Variants in USP13 observed in about 807,000 individuals in gnomAD.
USP13 encodes ubiquitin specific peptidase 13.
USP13 carries 68 observed loss-of-function variants against 107.8 expected under a neutral mutation model. The ratio of observed to expected loss-of-function variants is 0.63; its 90% confidence interval spans 0.52 to 0.77. The LOEUF is 0.77. Among genes scored for constraint, USP13 ranks in the 30% least tolerant of loss-of-function variants. The probability of loss-of-function intolerance (pLI) is 0.00; values close to 1 mark genes in which losing one functional copy is unlikely to be tolerated. For missense variants in USP13, 945 were observed against 1,093.3 expected (o/e 0.86, Z 1.91); for synonymous variants, 377 against 389.5 (o/e 0.97, Z 0.38).
intron 13 of USP13, among the ~76,000 whole-genome samples, chr3:179,749,678 A>G (rs957419073): frequency 6.6e-6 from 1 of 152,230 alleles, no homozygotes; most frequent in African/African-American, 2.4e-5. Context: ...TGTGAACACC[A>G]TCTAAATCTA....
intron 16 of USP13, among the ~76,000 whole-genome samples, chr3:179,757,644 A>T (rs750163108): frequency 1.1e-4 from 17 of 152,202 alleles, no homozygotes; most frequent in Non-Finnish European, 2.4e-4. Context: ...CAATATTTAG[A>T]TATTAACTAG....
At chr3:179,751,202 G>A (rs1714599684) in intron 13 of USP13, among the ~76,000 whole-genome samples, 1 of 152,136 alleles carries the variant, frequency 6.6e-6, no homozygotes, top group African/African-American at 2.4e-5. Context: ...GTATGAATTT[G>A]GTGTACAGGT....
intron 16 of USP13, 36 bp downstream of exon 16, chr3:179,757,114 T>A (rs1714835416): frequency 6.2e-7 from 1 of 1,604,834 alleles, no homozygotes; most frequent in Non-Finnish European, 8.5e-7. Context: ...AATGTCCTAC[T>A]GTTGTTATTA....
chr3:179,680,173 A>AAACAACAACAAC (rs56274945), intron 1 of USP13, among the ~76,000 whole-genome samples: 2,602 of 150,286 alleles, frequency 0.017, 56 homozygotes, highest in East Asian at 0.077. Context: ...ACGCTGTTGA[A>AAACAACAACAAC]AACAACAACA....
chr3:179,723,407 G>A (rs1337662843), intron 8 of USP13, among the ~76,000 whole-genome samples: 1 of 152,182 alleles, frequency 6.6e-6, no homozygotes, highest in Non-Finnish European at 1.5e-5. Flanking sequence ...TCACCCCCAG[G>A]CATGAAGTAA....
chr3:179,653,285 T>C lies in USP13; in HGVS notation c.60T>C (p.Ala20=). The change falls in exon 1 of 21, where the codon GCT becomes GCC. Residue 20 remains alanine (A), a synonymous_variant. Transcript: ENST00000263966. The surrounding 1 kb of genome is among the most constrained non-coding windows in gnomAD (Gnocchi z 4.0). ...MPGGSGGRKM[A]AGDIGELLVP... ...GCGGCAGCGGAGGCAGGAAGATGGCTGCAGGAGACATCGGCGAGCTGCTAG... is the reference window on the plus strand; with the variant it reads ...GCGGCAGCGGAGGCAGGAAGATGGCCGCAGGAGACATCGGCGAGCTGCTAG... The C allele has an allele frequency of 6.4e-7, 1 of 1,571,790 alleles. No individual in the cohort carries two copies. Among genetic ancestry groups the C allele is most frequent in the Non-Finnish European group, 8.6e-7 (1 of 1,159,274 alleles).
Position 179,653,620 on chromosome 3 carries a change from A to C in USP13, c.168+227A>C. ...TGCTCCGCCAGCCTCCCCAGGCTGG[A>C]AGGGCCCGATTCCCAGCAGCTTGCA... On this transcript the variant is annotated intron_variant, in intron 1 of 20. Transcript: ENST00000263966. The surrounding 1 kb of genome is among the most constrained non-coding windows in gnomAD (Gnocchi z 4.0). 1.7e-6 allele frequency: 1 copy of C among 574,878 alleles called. No homozygotes were observed. 35.6% of individuals were successfully genotyped at this position (574,878 alleles called of 1,614,324 possible). A position where few individuals can be genotyped will look rare whatever the true frequency, so the allele number is the denominator to read the frequency against.
At chr3:179,766,440 A>G (rs762127990) in intron 19 of USP13, among the ~76,000 whole-genome samples, 2 of 152,182 alleles carry the variant, frequency 1.3e-5, no homozygotes, top group Non-Finnish European at 2.9e-5. Flanking sequence ...TTCATGGACC[A>G]TGGGAGCTTT....
At chr3:179,725,790 T>G (rs1027540032) in intron 8 of USP13, among the ~76,000 whole-genome samples, 2 of 152,230 alleles carry the variant, frequency 1.3e-5, no homozygotes, top group Non-Finnish European at 2.9e-5. Context: ...TTAGATAAAG[T>G]TGCTGCCTTC....
At chr3:179,719,170 C>G (rs1345426307) in intron 6 of USP13, among the ~76,000 whole-genome samples, 1 of 152,276 alleles carries the variant, frequency 6.6e-6, no homozygotes, top group Non-Finnish European at 1.5e-5. Flanking sequence ...CAGCACAGAG[C>G]TTACCAACAC....
rs145446586 is a variant in USP13, at chr3:179,714,324, G to A, written c.805+5367G>A. ...TTGGTCATCTTTACCCCCGACCTGG[G>A]CATAAGCTCCCTTGAGTTTCTCCCA... On this transcript the variant is annotated intron_variant, in intron 6 of 20. Transcript: ENST00000263966. Among the ~76,000 whole-genome samples, 31 of 152,282 alleles carry A rather than the reference G, an allele frequency of 2.0e-4. 1 individual carries two copies. In the East Asian group the frequency reaches 5.4e-3, roughly 27 times the overall value.
intron 1 of USP13, among the ~76,000 whole-genome samples, chr3:179,666,972 TC>T (rs529859517): frequency 6.6e-6 from 1 of 152,214 alleles, no homozygotes; most frequent in Non-Finnish European, 1.5e-5. Context: ...AGCCTTGGTT[TC>T]CCCCTCTGTA....
chr3:179,702,402 G>T (rs1448124616), intron 4 of USP13, among the ~76,000 whole-genome samples: 1 of 152,172 alleles, frequency 6.6e-6, no homozygotes, highest in Non-Finnish European at 1.5e-5. Context: ...TGGGGCCAGG[G>T]TGGGTTGAGT....
chr3:179,688,050 T>C (rs1473279065), intron 2 of USP13, among the ~76,000 whole-genome samples: 3 of 150,964 alleles, frequency 2.0e-5, no homozygotes, highest in African/African-American at 7.3e-5. Context: ...CACTCCCCTC[T>C]TACCTGTTTT....
At chr3:179,680,535 A>C (rs947002339) in intron 1 of USP13, among the ~76,000 whole-genome samples, 1 of 151,996 alleles carries the variant, frequency 6.6e-6, no homozygotes, top group African/African-American at 2.4e-5. Flanking sequence ...GAGATATTCA[A>C]GCTGTATTTA....
intron 2 of USP13, among the ~76,000 whole-genome samples, chr3:179,684,669 A>G (rs1279364488): frequency 6.7e-6 from 1 of 150,118 alleles, no homozygotes; most frequent in Admixed American, 6.6e-5. Context: ...GTCTCTCTTC[A>G]CTCTCTCAGT....
chr3:179,769,678 G>C (rs1347835815), intron 19 of USP13, among the ~76,000 whole-genome samples: 2 of 152,158 alleles, frequency 1.3e-5, no homozygotes, highest in Non-Finnish European at 2.9e-5. Context: ...CGAAGTGTTA[G>C]GATTACAGGT....
At chr3:179,687,867 T>G (rs186117295) in intron 2 of USP13, among the ~76,000 whole-genome samples, 4 of 152,082 alleles carry the variant, frequency 2.6e-5, no homozygotes, top group Non-Finnish European at 1.5e-5. Flanking sequence ...CTCTTTTGCA[T>G]GTAATTATAA....
intron 1 of USP13, among the ~76,000 whole-genome samples, chr3:179,667,929 T>C (rs1720634055): frequency 6.6e-6 from 1 of 152,210 alleles, no homozygotes; most frequent in African/African-American, 2.4e-5. Context: ...ATTACAGGTG[T>C]GAGCCACCGT....
Sources: gnomAD v4.1 joint callset for allele counts (sites outside exome capture counted in the v4.1 genomes callset) on GRCh38, gnomAD v4.1.1 for gene constraint, Gnocchi (gnomAD v3.1) non-coding constraint, MANE v1.5 for transcripts, NCBI Gene and HGNC (gene_info 2026-07-23, HGNC 2026-07-21) for gene names.